VPS54: variants seen among roughly 807,000 people sequenced by gnomAD.
VPS54 encodes vacuolar protein sorting-associated protein 54.
VPS54 carries 45 observed loss-of-function variants against 121.5 expected under a neutral mutation model. That is an observed-to-expected ratio of 0.37 (90% CI 0.29 to 0.47). The LOEUF (loss-of-function observed/expected upper bound fraction) is 0.47, where lower values mean the gene tolerates loss of function less well. VPS54 is among the 20% of genes least tolerant of loss of function. VPS54 has a pLI of 0.99. For missense variants in VPS54, 1,090 were observed against 1,131.4 expected (o/e 0.96, Z 0.52); for synonymous variants, 371 against 385.8 (o/e 0.96, Z 0.45).
At chr2:63,965,731 G>T in intron 6 of VPS54, 104 bp downstream of exon 6, 2 of 1,479,840 alleles carry the variant, frequency 1.4e-6, no homozygotes, top group South Asian at 1.3e-5. Context: ...GAACAAAAAT[G>T]AATTTAAAAG....
intron 12 of VPS54, among the ~76,000 whole-genome samples, chr2:63,922,990 A>T (rs937204411): frequency 3.3e-5 from 5 of 152,100 alleles, no homozygotes; most frequent in Non-Finnish European, 7.4e-5. Context: ...TTTTAAAATA[A>T]TTTCATTCAT....
chr2:63,917,323 T>C (rs1558989818), intron 15 of VPS54, among the ~76,000 whole-genome samples: 1 of 152,032 alleles, frequency 6.6e-6, no homozygotes, highest in African/African-American at 2.4e-5. Context: ...ACAAGGTAAA[T>C]GATCAGCAAA....
chr2:63,990,757 G>T (rs180696110), intron 1 of VPS54, among the ~76,000 whole-genome samples: 1 of 152,180 alleles, frequency 6.6e-6, no homozygotes, highest in Admixed American at 6.5e-5. Flanking sequence ...GATTAGACAC[G>T]TGGGCTTACC....
At chr2:63,897,114 G>T (rs917659723) in intron 22 of VPS54, among the ~76,000 whole-genome samples, 2 of 152,108 alleles carry the variant, frequency 1.3e-5, no homozygotes, top group African/African-American at 4.8e-5. Context: ...CCCTGTGAAA[G>T]AATTAAGACA....
rs367938178 is a variant in VPS54 at position 63,912,381 on chromosome 2, C to T, written c.2589G>A (p.Ala863=). 3.0e-5 allele frequency: 49 copies of T among 1,611,380 alleles called. No individual in the cohort carries two copies. Among genetic ancestry groups the T allele is most frequent in the Admixed American group, 3.3e-5 (2 of 59,748 alleles). Residue 863 remains alanine (A), a synonymous_variant, in exon 20 of 23, where the codon GCG becomes GCA. Coordinates refer to ENST00000272322, the MANE Select transcript of VPS54 (RefSeq NM_016516.3). The stretch of plus-strand genomic sequence containing the variant: ...GCTTGTCAAATAAGCTATCCATTAT[C>T]GCTACAAGCTTAGCTGATATTTCAG... ...HIAEISAKLV[A]IMDSLFDKLL... is the part of the protein sequence containing the mutation.
intron 7 of VPS54, among the ~76,000 whole-genome samples, chr2:63,950,063 T>C (rs897273167): frequency 6.6e-6 from 1 of 152,234 alleles, no homozygotes; most frequent in African/African-American, 2.4e-5. Flanking sequence ...GTGGTACCTA[T>C]TAGCTGTTGA....
chr2:63,906,763 T>A (rs1012191713), intron 20 of VPS54, among the ~76,000 whole-genome samples: 1 of 152,180 alleles, frequency 6.6e-6, no homozygotes, highest in African/African-American at 2.4e-5. Context: ...GGAGACCCAA[T>A]AATGTCAATT....
At chr2:63,964,656 G>A (rs1471408109) in intron 6 of VPS54, among the ~76,000 whole-genome samples, 2 of 152,062 alleles carry the variant, frequency 1.3e-5, no homozygotes, top group Non-Finnish European at 2.9e-5. Flanking sequence ...GCTCATTTTC[G>A]TTTTCAATTG....
chr2:63,976,410 A>T (rs1480393566), intron 3 of VPS54, among the ~76,000 whole-genome samples: 1 of 151,296 alleles, frequency 6.6e-6, no homozygotes, highest in Non-Finnish European at 1.5e-5. Context: ...TTCTTTCCTT[A>T]TAATGCTTTT....
intron 1 of VPS54, among the ~76,000 whole-genome samples, chr2:63,987,777 G>A: frequency 6.6e-6 from 1 of 152,004 alleles, no homozygotes; most frequent in Admixed American, 6.6e-5. Context: ...TTTATTTCTA[G>A]CTGTTGTAAA....
chr2:63,934,594 C>T (rs1356582144), intron 11 of VPS54, among the ~76,000 whole-genome samples: 2 of 152,136 alleles, frequency 1.3e-5, no homozygotes, highest in Non-Finnish European at 2.9e-5. Context: ...GTTCTGGCTC[C>T]AGTGGTCACT....
At chr2:63,929,939 T>C (rs572401442) in intron 12 of VPS54, among the ~76,000 whole-genome samples, 101 of 152,286 alleles carry the variant, frequency 6.6e-4, no homozygotes, top group Middle Eastern at 6.8e-3. Flanking sequence ...CCTCGACATA[T>C]GCACCCTCCC....
chr2:63,957,247 C>T (rs1466595675), intron 7 of VPS54, among the ~76,000 whole-genome samples: 1 of 151,938 alleles, frequency 6.6e-6, no homozygotes, highest in Non-Finnish European at 1.5e-5. Flanking sequence ...TCGAGGCCAT[C>T]CTGGCTAACA....
intron 1 of VPS54, among the ~76,000 whole-genome samples, chr2:64,008,485 G>A (rs964875442): frequency 5.9e-5 from 9 of 152,038 alleles, no homozygotes; most frequent in African/African-American, 2.2e-4. Flanking sequence ...ACAGGAATGG[G>A]GCGAGAGGGG....
intron 1 of VPS54, among the ~76,000 whole-genome samples, chr2:63,996,385 A>G (rs532886805): frequency 6.6e-6 from 1 of 152,174 alleles, no homozygotes; most frequent in Non-Finnish European, 1.5e-5. Flanking sequence ...CATCATCCTT[A>G]TAAGCTGAGG....
rs985749806 is a variant in VPS54, at chr2:63,893,237, A to G, written c.*193T>C. 1.2e-5 allele frequency: 8 copies of G among 674,596 alleles called. 1 individual carries two copies. In the Middle Eastern group the frequency reaches 1.4e-3, roughly 121 times the overall value. The allele number at this position is 674,596 out of a possible 1,614,324, so 41.8% of individuals were successfully genotyped here. A position where few individuals can be genotyped will look rare whatever the true frequency, so the allele number is the denominator to read the frequency against. On this transcript the variant is annotated 3_prime_UTR_variant, in exon 23 of 23. Transcript: ENST00000272322. ...CTGATCAGTTACTCCTCACTGTAGG[A>G]TGCACAAAAATGACATTCCTTGTAG... is the stretch of plus-strand genomic sequence containing the variant.
intron 7 of VPS54, among the ~76,000 whole-genome samples, chr2:63,954,505 C>T (rs529218822): frequency 6.6e-6 from 1 of 151,898 alleles, no homozygotes; most frequent in Non-Finnish European, 1.5e-5. Flanking sequence ...CAAAGGGTGA[C>T]CAAATAATTG....
At chr2:63,977,185 C>A (rs1676581728) in intron 3 of VPS54, among the ~76,000 whole-genome samples, 1 of 152,118 alleles carries the variant, frequency 6.6e-6, no homozygotes, top group African/African-American at 2.4e-5. Flanking sequence ...CACAAAGAAC[C>A]AGCTTTTGCT....
chr2:63,896,715 C>T (rs1459858907), intron 22 of VPS54, among the ~76,000 whole-genome samples: 1 of 152,056 alleles, frequency 6.6e-6, no homozygotes, highest in Non-Finnish European at 1.5e-5. Context: ...CCTGAAATTC[C>T]TTTAACAGGA....
Sources: allele counts gnomAD v4.1 joint callset (sites outside exome capture counted in the v4.1 genomes callset), GRCh38; gene constraint gnomAD v4.1.1; transcripts MANE v1.5; gene names NCBI Gene and HGNC (gene_info 2026-07-23, HGNC 2026-07-21).